PADI2: variants seen among roughly 807,000 people sequenced by gnomAD.
PADI2 encodes peptidyl arginine deiminase 2, also known as protein-arginine deiminase type-2.
A neutral mutation model predicts 81.1 loss-of-function variants in PADI2; 70 were observed. The ratio of observed to expected loss-of-function variants is 0.86; its 90% CI spans 0.71 to 1.05. The LOEUF is 1.05. Among genes scored for constraint, PADI2 ranks in the 50% least tolerant of loss-of-function variants. The pLI, the probability that PADI2 is intolerant of heterozygous loss-of-function variation, is 0.00. For synonymous variants in PADI2, 338 were observed against 358.0 expected, an observed-to-expected ratio of 0.94 and a Z score of 0.63; for missense variants, 853 against 889.9, an observed-to-expected ratio of 0.96 and a Z score of 0.53.
In PADI2 at chr1:17,068,744, G is replaced by A. The variant is rs1208319981; in HGVS notation, c.*300C>T. On this transcript the variant is annotated 3_prime_UTR_variant, in exon 16 of 16. Coordinates refer to ENST00000375486, the MANE Select transcript of PADI2 (RefSeq NM_007365.3). ...AGATTAGAGACTCAAAATTCTTTGGGGAGCAGTTTGGGCACATGGTTTGCT... is the reference window on the plus strand; with the variant it reads ...AGATTAGAGACTCAAAATTCTTTGGAGAGCAGTTTGGGCACATGGTTTGCT... 1.4e-5 allele frequency: 5 copies of A among 358,834 alleles called. No individual in the cohort carries two copies. Among genetic ancestry groups the A allele is most frequent in the Non-Finnish European group, 2.6e-5 (5 of 193,410 alleles). The allele number at this position is 358,834 out of a possible 1,614,324, so 22.2% of individuals were successfully genotyped here.
chr1:17,117,913 T>C (rs1467509448), intron 1 of PADI2, among the ~76,000 whole-genome samples: 1 of 152,174 alleles, frequency 6.6e-6, no homozygotes, highest in African/African-American at 2.4e-5. Context: ...CACTGCTGTG[T>C]TCTTGTTCTC....
Position 17,075,756 on chromosome 1 carries a change from CG to C in PADI2, c.1377del (p.Val460TrpfsTer8). ...GTCAGCCAGTCTGAGTAGAGCTCCA[CG>C]GGCGCCTGCACCTGCTGGGCCTTCA... ...DFLKAQQVQA[P>X]VELYSDWLTV... is the part of the protein sequence containing the mutation. On this transcript the variant is annotated frameshift_variant, in exon 12 of 16. Transcript: ENST00000375486. LOFTEE classifies it high-confidence loss of function. 1 of 1,613,972 alleles carries C rather than the reference CG, an allele frequency of 6.2e-7. No individual in the cohort carries two copies. The highest frequency in any genetic ancestry group is 8.5e-7 in the Non-Finnish European group (1 of 1,179,900).
intron 13 of PADI2, among the ~76,000 whole-genome samples, chr1:17,074,203 C>T (rs1053993334): frequency 6.6e-6 from 1 of 151,630 alleles, no homozygotes; most frequent in African/African-American, 2.4e-5. Context: ...ACCAGCCTGA[C>T]CAACATGGTG....
rs1293833451 is a variant in PADI2, at chr1:17,067,479, C to T, written c.*1565G>A. On this transcript the variant is annotated 3_prime_UTR_variant, in exon 16 of 16. Transcript: ENST00000375486. ...GGCCTGTTTAAAGAAGACCCCCCAC[C>T]CCCACTGCCCATTTCACCACAACAG... 1.3e-5 allele frequency: 2 copies of T among 152,268 alleles called. No individual in the cohort carries two copies. The highest frequency in any genetic ancestry group is 4.8e-5 in the African/African-American group (2 of 41,424). The allele number at this position is 152,268 out of a possible 1,614,324, so 9.4% of individuals were successfully genotyped here. A position where few individuals can be genotyped will look rare whatever the true frequency, so the allele number is the denominator to read the frequency against.
intron 1 of PADI2, among the ~76,000 whole-genome samples, chr1:17,113,649 G>A (rs1183961910): frequency 6.6e-6 from 1 of 152,198 alleles, no homozygotes; most frequent in African/African-American, 2.4e-5. Flanking sequence ...GACCAAATGA[G>A]AGCCCCTTAC....
rs141151731 is a variant in PADI2 at position 17,114,204 on chromosome 1, C to T, written c.92+5076G>A. Reference sequence around the variant, plus strand: ...CCTTCCACAGGCCCATCCAACGGTGCCTGTCCCTTGAGGCTGGGGGTGGGG... The same window carrying T: ...CCTTCCACAGGCCCATCCAACGGTGTCTGTCCCTTGAGGCTGGGGGTGGGG... On this transcript the variant is annotated intron_variant, in intron 1 of 15. Coordinates refer to ENST00000375486, the MANE Select transcript of PADI2 (RefSeq NM_007365.3). 5.9e-3 allele frequency among the ~76,000 whole-genome samples: 903 copies of T among 152,370 alleles called. 6 individuals are homozygous for T. Among genetic ancestry groups the T allele is most frequent in the Middle Eastern group, 0.027 (8 of 294 alleles).
chr1:17,118,564 G>C (rs1557776488), intron 1 of PADI2, among the ~76,000 whole-genome samples: 1 of 152,150 alleles, frequency 6.6e-6, no homozygotes, highest in African/African-American at 2.4e-5. Flanking sequence ...ACAGAGAGAA[G>C]GGGAGGGAGC....
intron 15 of PADI2, among the ~76,000 whole-genome samples, 199 bp from the exon 16 acceptor site, chr1:17,069,476 T>C (rs1305318297): frequency 6.6e-6 from 1 of 152,228 alleles, no homozygotes; most frequent in East Asian, 1.9e-4. Context: ...TGTATGTATG[T>C]GTGTGCAAAA....
At chr1:17,102,438 C>G (rs1280574969) in intron 3 of PADI2, among the ~76,000 whole-genome samples, 1 of 152,148 alleles carries the variant, frequency 6.6e-6, no homozygotes, top group East Asian at 1.9e-4. Context: ...AACTTGCCAC[C>G]CAGTTGCTGT....
intron 11 of PADI2, 126 bp downstream of exon 11, chr1:17,079,138 G>A (rs2078324975): frequency 1.4e-6 from 1 of 721,264 alleles, no homozygotes; most frequent in South Asian, 1.9e-5. Flanking sequence ...CTCTTAACAG[G>A]AAGTCGTGGG....
At chr1:17,072,217 AT>A (rs1414890900) in intron 13 of PADI2, among the ~76,000 whole-genome samples, 1 of 152,034 alleles carries the variant, frequency 6.6e-6, no homozygotes, top group Non-Finnish European at 1.5e-5. Context: ...TTAACCTATT[AT>A]TTGTTTATTT....
intron 8 of PADI2, among the ~76,000 whole-genome samples, chr1:17,084,169 A>C (rs554001270): frequency 4.9e-4 from 75 of 152,318 alleles, no homozygotes; most frequent in African/African-American, 1.7e-3. Flanking sequence ...GAGGACCCCA[A>C]GGGTCCCTTT....
At chr1:17,103,168 A>T in intron 2 of PADI2, 109 bp from the exon 3 acceptor site, 1 of 769,990 alleles carries the variant, frequency 1.3e-6, no homozygotes, top group South Asian at 1.5e-5. Context: ...TGTCAAGCCA[A>T]CCCTCTCCAA....
At chr1:17,085,582 AC>A (rs1055461352) in intron 7 of PADI2, among the ~76,000 whole-genome samples, 2 of 152,174 alleles carry the variant, frequency 1.3e-5, no homozygotes, top group African/African-American at 4.8e-5. Context: ...GGCAGCAGAA[AC>A]TTTTGGACGT....
At chr1:17,073,914 C>T (rs1002892886) in intron 13 of PADI2, among the ~76,000 whole-genome samples, 3 of 152,188 alleles carry the variant, frequency 2.0e-5, no homozygotes, top group African/African-American at 7.2e-5. Context: ...AATGTCTAAA[C>T]GTAGAAGATA....
At chr1:17,078,239 G>A (rs1211371205) in intron 11 of PADI2, among the ~76,000 whole-genome samples, 2 of 152,036 alleles carry the variant, frequency 1.3e-5, no homozygotes, top group Non-Finnish European at 2.9e-5. Flanking sequence ...AGCCTCTTGA[G>A]TAGCTGGGAT....
intron 7 of PADI2, among the ~76,000 whole-genome samples, chr1:17,085,382 C>T (rs960037917): frequency 7.9e-5 from 12 of 152,108 alleles, no homozygotes; most frequent in South Asian, 2.1e-4. Context: ...CCTTGCTTGC[C>T]GTGGTCTGCC....
rs1311402907 is a variant in PADI2, at chr1:17,115,879, C to T, written c.92+3401G>A. 1.3e-5 allele frequency among the ~76,000 whole-genome samples: 2 copies of T among 152,254 alleles called. No individual in the cohort carries two copies. Among genetic ancestry groups the T allele is most frequent in the Non-Finnish European group, 2.9e-5 (2 of 68,044 alleles). ...TAACAAACACCCTACTTCCTTCTTT[C>T]TATGTATCTATTCATTGCTTGCTGG... On this transcript the variant is annotated intron_variant, in intron 1 of 15. Coordinates refer to ENST00000375486, the MANE Select transcript of PADI2 (RefSeq NM_007365.3). The surrounding 1 kb of genome is among the most constrained non-coding windows in gnomAD (Gnocchi z 4.1).
chr1:17,107,625 C>T (rs967863519), intron 1 of PADI2, among the ~76,000 whole-genome samples: 2 of 152,228 alleles, frequency 1.3e-5, no homozygotes, highest in Admixed American at 1.3e-4. Context: ...TCCAGACAAT[C>T]AGCACTGCGG....
Sources: gnomAD v4.1 joint callset for allele counts (sites outside exome capture counted in the v4.1 genomes callset) on GRCh38, gnomAD v4.1.1 for gene constraint, Gnocchi (gnomAD v3.1) non-coding constraint, MANE v1.5 for transcripts, NCBI Gene and HGNC (gene_info 2026-07-23, HGNC 2026-07-21) for gene names.